The following DIP2B variants were observed in gnomAD, a reference collection of about 807,000 sequenced individuals.
The protein encoded by DIP2B is DIP2 acetate--CoA ligase B (putative), also known as disco-interacting protein 2 homolog B.
In DIP2B, 76 loss-of-function variants were observed where a neutral mutation model predicts 198.0. That is an observed-to-expected ratio of 0.38 (90% CI 0.32 to 0.46). DIP2B has a LOEUF of 0.46. DIP2B is among the 20% of genes least tolerant of loss of function. DIP2B has a pLI of 0.99. For synonymous variants in DIP2B, 701 were observed against 739.1 expected (o/e 0.95, Z 0.84); for missense variants, 1,559 against 1,978.4 (o/e 0.79, Z 4.02).
intron 13 of DIP2B, among the ~76,000 whole-genome samples, chr12:50,692,573 T>C: frequency 6.6e-6 from 1 of 152,032 alleles, no homozygotes; most frequent in Non-Finnish European, 1.5e-5. Context: ...CGCTGTGGCT[T>C]ATGTCTGTAA....
At chr12:50,529,207 C>A (rs994983802) in intron 1 of DIP2B, among the ~76,000 whole-genome samples, 1 of 152,074 alleles carries the variant, frequency 6.6e-6, no homozygotes, top group African/African-American at 2.4e-5. Context: ...TGGGAAGATA[C>A]CTGAACTCAG....
intron 1 of DIP2B, among the ~76,000 whole-genome samples, chr12:50,601,332 T>G (rs1327715954): frequency 6.8e-6 from 1 of 147,420 alleles, no homozygotes; most frequent in Non-Finnish European, 1.5e-5. Context: ...TATATCTATA[T>G]ATTTTTTTGT....
intron 1 of DIP2B, among the ~76,000 whole-genome samples, chr12:50,547,041 G>C (rs1958383943): frequency 6.6e-6 from 1 of 151,882 alleles, no homozygotes; most frequent in Non-Finnish European, 1.5e-5. Context: ...CTTCTTTTTT[G>C]ACCTTCGTGG....
At chr12:50,684,005 TG>T (rs1939090479) in intron 10 of DIP2B, among the ~76,000 whole-genome samples, 1 of 151,914 alleles carries the variant, frequency 6.6e-6, no homozygotes, top group Non-Finnish European at 1.5e-5. Context: ...CCCAGCTATT[TG>T]AGAAGCTGAG....
Position 50,727,808 on chromosome 12 carries a change from T to C in DIP2B, c.3506T>C (p.Val1169Ala), listed in dbSNP as rs1939964037. The C allele has an allele frequency of 6.2e-7, 1 of 1,613,104 alleles. No homozygotes were observed. Among genetic ancestry groups the C allele is most frequent in the Admixed American group, 1.7e-5 (1 of 59,928 alleles). The change falls in exon 29 of 38, where the codon GTG becomes GCG. Residue 1169 changes from valine to alanine, a missense_variant. Coordinates refer to ENST00000301180, the MANE Select transcript of DIP2B (RefSeq NM_173602.3). ...TCCACAACTGGCATGCTTACAGGAG[T>C]GAAGGTAAGGTGCATGCTGGAAAAA... ...SVSTTGMLTG[V>A]KMSHSAVNAL...
At chr12:50,513,726 T>A (rs1316680893) in intron 1 of DIP2B, among the ~76,000 whole-genome samples, 1 of 151,956 alleles carries the variant, frequency 6.6e-6, no homozygotes, top group African/African-American at 2.4e-5. Flanking sequence ...ATACACAAAC[T>A]AGCCGGGCAT....
chr12:50,692,617 C>G (rs1203466453), intron 13 of DIP2B, among the ~76,000 whole-genome samples: 1 of 152,092 alleles, frequency 6.6e-6, no homozygotes, highest in Non-Finnish European at 1.5e-5. Context: ...GCAGGAGGAT[C>G]ACTTGAGGTC....
intron 1 of DIP2B, among the ~76,000 whole-genome samples, chr12:50,538,009 A>G (rs6580759): frequency 0.96 from 145,681 of 152,260 alleles, 70,033 homozygotes; most frequent in East Asian, 1. Flanking sequence ...AAGAACAAGG[A>G]TGGATTCAAA....
intron 1 of DIP2B, among the ~76,000 whole-genome samples, chr12:50,552,631 C>T (rs751876216): frequency 1.3e-5 from 2 of 151,982 alleles, no homozygotes; most frequent in African/African-American, 2.4e-5. Context: ...TTGATTGTGT[C>T]TTTGGATGCA....
At chr12:50,614,765 A>G (rs1286197025) in intron 1 of DIP2B, among the ~76,000 whole-genome samples, 6 of 152,176 alleles carry the variant, frequency 3.9e-5, no homozygotes, top group Non-Finnish European at 8.8e-5. Context: ...CAAACACAGA[A>G]TGGTGATGTT....
intron 4 of DIP2B, among the ~76,000 whole-genome samples, chr12:50,663,436 G>A (rs963930252): frequency 6.6e-6 from 1 of 151,550 alleles, no homozygotes; most frequent in African/African-American, 2.4e-5. Context: ...AGCGCCTGTA[G>A]TCCCAGCTAC....
intron 28 of DIP2B, among the ~76,000 whole-genome samples, chr12:50,726,152 G>A (rs11169532): frequency 0.25 from 37,587 of 151,940 alleles, 5,477 homozygotes; most frequent in East Asian, 0.41. Flanking sequence ...ACCAGAAATG[G>A]GTGCCCCATG....
chr12:50,574,766 G>T (rs1337409424), intron 1 of DIP2B, among the ~76,000 whole-genome samples: 1 of 152,192 alleles, frequency 6.6e-6, no homozygotes, highest in African/African-American at 2.4e-5. Context: ...AGAATGGGTT[G>T]GTGCCAGGGT....
chr12:50,510,616 G>A (rs1037993263), intron 1 of DIP2B, among the ~76,000 whole-genome samples: 5 of 150,672 alleles, frequency 3.3e-5, no homozygotes, highest in Admixed American at 3.3e-4. Context: ...ACAGTTTCTC[G>A]CAAATCTTTA....
chr12:50,741,651 A>G, intron 37 of DIP2B, 112 bp downstream of exon 37: 1 of 1,365,952 alleles, frequency 7.3e-7, no homozygotes, highest in Non-Finnish European at 9.9e-7. Context: ...ATAGAGCTCC[A>G]TGGGAGGAGT....
At chr12:50,559,633 C>T (rs749562848) in intron 1 of DIP2B, among the ~76,000 whole-genome samples, 1 of 150,240 alleles carries the variant, frequency 6.7e-6, no homozygotes, top group Admixed American at 6.7e-5. Context: ...CTTGGGAGGC[C>T]AAGGTGGTAG....
intron 1 of DIP2B, among the ~76,000 whole-genome samples, chr12:50,571,326 C>G (rs1388447226): frequency 2.0e-5 from 3 of 151,868 alleles, no homozygotes; most frequent in Admixed American, 2.0e-4. Context: ...TGTGCGCCAC[C>G]ATGCCTAGCT....
In DIP2B at chr12:50,559,621, T is replaced by G. The variant is rs1565824336; in HGVS notation, c.100+54381T>G. 4.0e-5 allele frequency among the ~76,000 whole-genome samples: 6 copies of G among 151,508 alleles called. No individual in the cohort carries two copies. The South Asian group carries it at 1.0e-3, about 26-fold the overall frequency. On this transcript the variant is annotated intron_variant, in intron 1 of 37. Coordinates refer to ENST00000301180, the MANE Select transcript of DIP2B (RefSeq NM_173602.3). ...GGTGGTGCATCCCTATAGTTCCAGC[T>G]ACTTGGGAGGCCAAGGTGGTAGGAT... is the stretch of plus-strand genomic sequence containing the variant.
intron 1 of DIP2B, among the ~76,000 whole-genome samples, chr12:50,525,484 C>T (rs947477471): frequency 6.6e-6 from 1 of 150,846 alleles, no homozygotes; most frequent in Non-Finnish European, 1.5e-5. Flanking sequence ...TGAACTCAAC[C>T]GTGATGCATG....
Sources: allele counts gnomAD v4.1 joint callset (sites outside exome capture counted in the v4.1 genomes callset), GRCh38; gene constraint gnomAD v4.1.1; transcripts MANE v1.5; gene names NCBI Gene and HGNC (gene_info 2026-07-23, HGNC 2026-07-21).